NF2: variants seen among roughly 807,000 people sequenced by gnomAD.
NF2 encodes the protein NF2, moesin-ezrin-radixin like (MERLIN) tumor suppressor.
In NF2, 8 loss-of-function variants were observed where a neutral mutation model predicts 83.7. The observed-to-expected ratio is 0.10, with a 90% CI of 0.06 to 0.17. The LOEUF is 0.17. Among genes scored for constraint, NF2 ranks in the 10% least tolerant of loss-of-function variants. The pLI, the probability that NF2 is intolerant of heterozygous loss-of-function variation, is 1.00. For missense variants in NF2, 533 were observed against 744.4 expected (o/e 0.72, Z 3.31); for synonymous variants, 266 against 269.6 (o/e 0.99, Z 0.13).
At chr22:29,669,820 AC>A (rs1446529600) in intron 10 of NF2, among the ~76,000 whole-genome samples, 1 of 152,174 alleles carries the variant, frequency 6.6e-6, no homozygotes, top group Non-Finnish European at 1.5e-5. Context: ...TACCTTCCAG[AC>A]CTTAGTTTTC....
chr22:29,688,107 C>G (rs2067311905), intron 15 of NF2, among the ~76,000 whole-genome samples: 2 of 152,194 alleles, frequency 1.3e-5, no homozygotes, highest in South Asian at 4.1e-4. Flanking sequence ...CTGTATCGGC[C>G]TCTTCTAAAA....
chr22:29,649,163 A>G (rs575923542), intron 4 of NF2, among the ~76,000 whole-genome samples: 19 of 152,264 alleles, frequency 1.2e-4, no homozygotes, highest in Middle Eastern at 3.4e-3. Flanking sequence ...AAAGCCAGAC[A>G]CAAAAGGCCA....
At position 29,695,778 on chromosome 22, in the gene NF2, T is replaced by G. The variant is rs1210367433; in HGVS notation, c.*976T>G. The G allele has an allele frequency of 3.9e-5, 9 of 233,684 alleles. No individual in the cohort carries two copies. Among genetic ancestry groups the G allele is most frequent in the Non-Finnish European group, 6.8e-5 (8 of 118,494 alleles). 14.5% of individuals were successfully genotyped at this position (233,684 alleles called of 1,614,324 possible). Reference sequence around the variant, plus strand: ...TCTGCACGGCCCATCTGCTTCACCTTCCCTCCCAGCCACGTGCCAGTGGCC... The same window carrying G: ...TCTGCACGGCCCATCTGCTTCACCTGCCCTCCCAGCCACGTGCCAGTGGCC... On this transcript the variant is annotated 3_prime_UTR_variant, in exon 16 of 16. Coordinates refer to ENST00000338641, the MANE Select transcript of NF2 (RefSeq NM_000268.4). This position sits in a 1 kb window ranked among gnomAD's most constrained non-coding sequence, Gnocchi z 5.4.
rs1310291735 is a variant in NF2 at position 29,624,159 on chromosome 22, T to C, written c.115-12592T>C. ...ACTTAACTCTTTAAACCTCAGTTGC[T>C]GCATCTATAAAATGAGAATAATAGT... On this transcript the variant is annotated intron_variant, in intron 1 of 15. Coordinates refer to ENST00000338641, the MANE Select transcript of NF2 (RefSeq NM_000268.4). Among the ~76,000 whole-genome samples, 4 of 152,222 alleles carry C rather than the reference T, an allele frequency of 2.6e-5. No individual in the cohort carries two copies. The East Asian group carries it at 7.7e-4, about 29-fold the overall frequency.
chr22:29,665,989 T>C (rs2066611870), intron 9 of NF2, among the ~76,000 whole-genome samples: 1 of 152,192 alleles, frequency 6.6e-6, no homozygotes, highest in South Asian at 2.1e-4. Flanking sequence ...ATCTAAATGC[T>C]GTCAAGTATA....
intron 13 of NF2, among the ~76,000 whole-genome samples, chr22:29,676,208 C>T (rs780363925): frequency 1.9e-4 from 29 of 151,498 alleles, no homozygotes; most frequent in Admixed American, 5.9e-4. Flanking sequence ...TTTATTTACT[C>T]TGTCACCCAG....
chr22:29,624,863 TTC>T (rs1555983629), intron 1 of NF2, among the ~76,000 whole-genome samples: 2 of 123,536 alleles, frequency 1.6e-5, no homozygotes, highest in Admixed American at 8.6e-5. Flanking sequence ...CTTTCTTTCT[TTC>T]TTTCTCTTTC....
At position 29,665,755 on chromosome 22, in the gene NF2, GAAAA is replaced by G. The variant is rs555450815; in HGVS notation, c.885+703_885+706del. Among the ~76,000 whole-genome samples the G allele has an allele frequency of 2.9e-5, 3 of 104,944 alleles. No homozygotes were observed. In the East Asian group the frequency reaches 7.5e-4, roughly 26 times the overall value. 68.8% of individuals were successfully genotyped at this position (104,944 alleles called of 152,430 possible). The stretch of plus-strand genomic sequence containing the variant: ...CGAGACGGGTGGATCACAAGGTCAG[GAAAA>G]AAAAAAAAAAAGAAAAAGAAAAAGG... On this transcript the variant is annotated intron_variant, in intron 9 of 15. Coordinates refer to ENST00000338641, the MANE Select transcript of NF2 (RefSeq NM_000268.4).
Position 29,616,634 on chromosome 22 carries a change from C to T in NF2, c.114+12522C>T, listed in dbSNP as rs1389633398. On this transcript the variant is annotated intron_variant, in intron 1 of 15. Coordinates refer to ENST00000338641, the MANE Select transcript of NF2 (RefSeq NM_000268.4). Reference sequence around the variant, plus strand: ...GCACACGCCTGTAATCCCAGCTACTCGGGAGGCTGAGGCAGGAGAATCACT... The same window carrying T: ...GCACACGCCTGTAATCCCAGCTACTTGGGAGGCTGAGGCAGGAGAATCACT... Among the ~76,000 whole-genome samples, 5 of 151,532 alleles carry T rather than the reference C, an allele frequency of 3.3e-5. 1 individual carries two copies. The highest frequency in any genetic ancestry group is 6.8e-3 in the Middle Eastern group (2 of 294).
rs886057345 is a variant in NF2 at position 29,695,137 on chromosome 22, C to T, written c.*335C>T. ...CTTGCACTCCAGAGCTGACCTCCAC[C>T]GCCCAGCCTGGGAAGTCATTGTAGG... On this transcript the variant is annotated 3_prime_UTR_variant, in exon 16 of 16. Transcript: ENST00000338641. This position sits in a 1 kb window ranked among gnomAD's most constrained non-coding sequence, Gnocchi z 5.4. 4.2e-5 allele frequency: 20 copies of T among 475,958 alleles called. No homozygotes were observed. The highest frequency in any genetic ancestry group is 6.2e-5 in the Non-Finnish European group (16 of 258,042). The allele number at this position is 475,958 out of a possible 1,614,324, so 29.5% of individuals were successfully genotyped here.
At chr22:29,641,753 G>T (rs1038496644) in intron 3 of NF2, among the ~76,000 whole-genome samples, 3 of 152,156 alleles carry the variant, frequency 2.0e-5, no homozygotes, top group Non-Finnish European at 4.4e-5. Flanking sequence ...GAGAGTGATG[G>T]TTTTTTCTGC....
At chr22:29,681,031 ACT>A (rs1301222745) in intron 14 of NF2, among the ~76,000 whole-genome samples, 3 of 147,126 alleles carry the variant, frequency 2.0e-5, no homozygotes, top group Non-Finnish European at 4.5e-5. Flanking sequence ...GGGCTTTTCT[ACT>A]CTTTCTTTTT....
intron 15 of NF2, chr22:29,682,844 AG>A (rs1173462379): frequency 1.2e-5 from 9 of 720,946 alleles, no homozygotes; most frequent in Non-Finnish European, 2.2e-5. Flanking sequence ...CAGTGCCCTC[AG>A]CCACAGAAAC....
rs1449646809 is a variant in NF2 at position 29,698,512 on chromosome 22, A to T, written c.*3710A>T. ...TAGGGCCCGAGTCCTGCCTCCTATC[A>T]GGGCCAGATCATAGAAGGCTATTTT... On this transcript the variant is annotated 3_prime_UTR_variant, in exon 16 of 16. Transcript: ENST00000338641. 5 of 204,386 alleles carry T rather than the reference A, an allele frequency of 2.4e-5. No homozygotes were observed. Among genetic ancestry groups the T allele is most frequent in the African/African-American group, 1.1e-4 (5 of 43,638 alleles). The allele number at this position is 204,386 out of a possible 1,614,324, so 12.7% of individuals were successfully genotyped here. A position where few individuals can be genotyped will look rare whatever the true frequency, so the allele number is the denominator to read the frequency against.
At chr22:29,687,883 C>T (rs920969726) in intron 15 of NF2, among the ~76,000 whole-genome samples, 2 of 152,178 alleles carry the variant, frequency 1.3e-5, no homozygotes, top group South Asian at 2.1e-4. Context: ...ATTGCAGTGG[C>T]GATCTGAACT....
intron 8 of NF2, 148 bp from the exon 9 acceptor site, chr22:29,664,842 G>A: frequency 1.4e-6 from 1 of 716,342 alleles, no homozygotes; most frequent in South Asian, 1.5e-5. Flanking sequence ...AATTCCCTGA[G>A]GTTTAGTGCC....
At chr22:29,624,825 C>CTTTCT (rs1279900086) in intron 1 of NF2, among the ~76,000 whole-genome samples, 1 of 140,344 alleles carries the variant, frequency 7.1e-6, no homozygotes, top group South Asian at 2.3e-4. Context: ...TTCTTTCTTT[C>CTTTCT]TTTCTTTCTT....
intron 12 of NF2, 61 bp from the exon 13 acceptor site, chr22:29,674,775 G>A (rs1371330537): frequency 5.6e-6 from 8 of 1,439,652 alleles, no homozygotes; most frequent in African/African-American, 2.8e-5. Flanking sequence ...GGGGTGGGGT[G>A]GTGTCTTTTC....
At chr22:29,606,627 G>T (rs980593878) in intron 1 of NF2, among the ~76,000 whole-genome samples, 71 of 152,342 alleles carry the variant, frequency 4.7e-4, no homozygotes, top group African/African-American at 1.6e-3. Context: ...GAAGGTTTTG[G>T]TAAGAGGCAA....
Sources: gnomAD v4.1 joint callset for allele counts (sites outside exome capture counted in the v4.1 genomes callset) on GRCh38, gnomAD v4.1.1 for gene constraint, Gnocchi (gnomAD v3.1) non-coding constraint, MANE v1.5 for transcripts, NCBI Gene and HGNC (gene_info 2026-07-23, HGNC 2026-07-21) for gene names.